MARK2: variants seen among roughly 807,000 people sequenced by gnomAD.
MARK2 encodes the protein microtubule affinity regulating kinase 2.
A neutral mutation model predicts 89.8 loss-of-function variants in MARK2; 16 were observed. That is an observed-to-expected ratio of 0.18 (90% confidence interval 0.12 to 0.27). MARK2 has a LOEUF of 0.27. Among genes scored for constraint, MARK2 ranks in the 10% least tolerant of loss-of-function variants. MARK2 has a pLI of 1.00. For missense variants in MARK2, 621 were observed against 1,049.9 expected, an observed-to-expected ratio of 0.59 and a Z score of 5.65; for synonymous variants, 382 against 399.5, an observed-to-expected ratio of 0.96 and a Z score of 0.52.
intron 1 of MARK2, among the ~76,000 whole-genome samples, chr11:63,889,245 C>G (rs1051201745): frequency 6.6e-6 from 1 of 152,176 alleles, no homozygotes; most frequent in Admixed American, 6.5e-5. Context: ...TGCTCCCGTG[C>G]TACAGTGAGG....
intron 1 of MARK2, among the ~76,000 whole-genome samples, chr11:63,861,286 C>T (rs974731285): frequency 3.5e-4 from 53 of 152,010 alleles, no homozygotes; most frequent in African/African-American, 1.2e-3. Flanking sequence ...ATACAAAAAA[C>T]GTAGCCAGGC....
rs370233889 is a variant in MARK2 at position 63,902,798 on chromosome 11, C to T, written c.1416+16C>T. ...CCCCTCCACGGTGAGCCGCACCCCC[C>T]GCTCTCTCCTTCCTTCCTGCGGTGG... On this transcript the variant is annotated intron_variant, in intron 13 of 18. Coordinates refer to ENST00000402010, the MANE Select transcript of MARK2 (RefSeq NM_001039469.3). This position sits in a 1 kb window ranked among gnomAD's most constrained non-coding sequence, Gnocchi z 4.2. 77 of 1,598,736 alleles carry T rather than the reference C, an allele frequency of 4.8e-5. No homozygotes were observed. The highest frequency in any genetic ancestry group is 2.0e-4 in the South Asian group (18 of 90,658).
intron 4 of MARK2, 142 bp from the exon 5 acceptor site, chr11:63,898,466 G>A (rs987845052): frequency 1.6e-5 from 14 of 887,316 alleles, no homozygotes; most frequent in Non-Finnish European, 2.6e-5. Flanking sequence ...AGTTTGGCTG[G>A]CATGAGAGGA....
Position 63,904,018 on chromosome 11 carries a change from C to T in MARK2, c.1547C>T (p.Ala516Val), listed in dbSNP as rs370703635. Reference sequence around the variant, plus strand: ...ATGCCAGGGTCCCGGGCCTCCACGGCTTCTGCTTCTGCCGCAGTCTCTGCG... The same window carrying T: ...ATGCCAGGGTCCCGGGCCTCCACGGTTTCTGCTTCTGCCGCAGTCTCTGCG... The part of the protein sequence containing the change: ...LTMPGSRAST[A>V]SASAAVSAAR... The change falls in exon 15 of 19, where the codon GCT becomes GTT. Residue 516 changes from alanine to valine, a missense_variant. Ala to Val is a moderately conservative substitution (Grantham distance 64). This residue lies in a region of MARK2 where 397 missense variants were observed against 567.8 expected (regional missense o/e 0.70). Coordinates refer to ENST00000402010, the MANE Select transcript of MARK2 (RefSeq NM_001039469.3). The surrounding 1 kb of genome is among the most constrained non-coding windows in gnomAD (Gnocchi z 6.3). 4 of 1,608,958 alleles carry T rather than the reference C, an allele frequency of 2.5e-6. No homozygotes were observed. Among genetic ancestry groups the T allele is most frequent in the Non-Finnish European group, 2.5e-6 (3 of 1,179,198 alleles).
intron 1 of MARK2, among the ~76,000 whole-genome samples, chr11:63,854,287 C>T: frequency 6.6e-6 from 1 of 151,116 alleles, no homozygotes; most frequent in Non-Finnish European, 1.5e-5. Flanking sequence ...GCAACCTCTG[C>T]CTCCCGGGTT....
intron 1 of MARK2, among the ~76,000 whole-genome samples, chr11:63,850,263 C>T (rs1313824013): frequency 6.6e-6 from 1 of 151,832 alleles, no homozygotes; most frequent in Non-Finnish European, 1.5e-5. Context: ...ATTCTCCTGC[C>T]TCAGCCTCCC....
intron 17 of MARK2, among the ~76,000 whole-genome samples, 199 bp from the exon 18 acceptor site, chr11:63,908,061 C>T (rs1016396576): frequency 6.6e-6 from 1 of 152,236 alleles, no homozygotes; most frequent in Non-Finnish European, 1.5e-5. Context: ...GGGCTCCCTG[C>T]TGGAAAGGAA....
At position 63,888,307 on chromosome 11, in the gene MARK2, C is replaced by A. The variant is rs141124532; in HGVS notation, c.55-6852C>A. ...TCTGGGTCAGCACATCTGAGTCACA[C>A]ATGTTCCTCCCCAGCCCTATTGGAG... On this transcript the variant is annotated intron_variant, in intron 1 of 18. Coordinates refer to ENST00000402010, the MANE Select transcript of MARK2 (RefSeq NM_001039469.3). 2.5e-4 allele frequency among the ~76,000 whole-genome samples: 38 copies of A among 152,292 alleles called. No individual in the cohort carries two copies. In the East Asian group the frequency reaches 5.4e-3, roughly 22 times the overall value.
At position 63,906,131 on chromosome 11, in the gene MARK2, C is replaced by CTGTG. The variant is rs535377951; in HGVS notation, c.1961+39_1961+42dup. 0.01 allele frequency: 12,243 copies of CTGTG among 1,179,758 alleles called. 35 individuals carry two copies. The highest frequency in any genetic ancestry group is 0.046 in the East Asian group (1,409 of 30,710). The allele number at this position is 1,179,758 out of a possible 1,614,324, so 73.1% of individuals were successfully genotyped here. ...TGCCAGAAGGTAGGCGTTGAGCCCG[C>CTGTG]TGTGTGTGTGTGTGTGTGTGTGTGT... On this transcript the variant is annotated intron_variant, in intron 17 of 18. Transcript: ENST00000402010.
In MARK2 at chr11:63,852,625, G is replaced by T. The variant is rs578053881; in HGVS notation, c.54+13065G>T. 1.3e-3 allele frequency among the ~76,000 whole-genome samples: 186 copies of T among 147,744 alleles called. 1 individual carries two copies. Among genetic ancestry groups the T allele is most frequent in the African/African-American group, 4.5e-3 (180 of 39,956 alleles). Reference sequence around the variant, plus strand: ...AATACTGAAGTGGACATACCAACAAGTATAAAGGAGGACTTTAAAGAATCT... The same window carrying T: ...AATACTGAAGTGGACATACCAACAATTATAAAGGAGGACTTTAAAGAATCT... On this transcript the variant is annotated intron_variant, in intron 1 of 18. Coordinates refer to ENST00000402010, the MANE Select transcript of MARK2 (RefSeq NM_001039469.3).
chr11:63,908,242 C>G lies in MARK2; in HGVS notation c.1962-18C>G, dbSNP rs1239605826. On this transcript the variant is annotated intron_variant, in intron 17 of 18. Coordinates refer to ENST00000402010, the MANE Select transcript of MARK2 (RefSeq NM_001039469.3). The stretch of plus-strand genomic sequence containing the variant: ...GAGAGATCCCAGCACTAAACTCTCC[C>G]TCGCTCTGTTTTTTGAGGAACCTGA... 1 of 1,555,360 alleles carries G rather than the reference C, an allele frequency of 6.4e-7. No homozygotes were observed.
At position 63,904,170 on chromosome 11, in the gene MARK2, T is replaced by G. The variant is rs773939138; in HGVS notation, c.1676+23T>G. 3 of 1,537,926 alleles carry G rather than the reference T, an allele frequency of 2.0e-6. No homozygotes were observed. Among genetic ancestry groups the G allele is most frequent in the South Asian group, 1.2e-5 (1 of 84,822 alleles). On this transcript the variant is annotated intron_variant, in intron 15 of 18. Coordinates refer to ENST00000402010, the MANE Select transcript of MARK2 (RefSeq NM_001039469.3). The surrounding 1 kb of genome is among the most constrained non-coding windows in gnomAD (Gnocchi z 6.3). Reference sequence around the variant, plus strand: ...CAGGCAAGTGTGCTGGGGCAGCTGGTGCACCTGCTGCCCTCAGCCCACCCT... The same window carrying G: ...CAGGCAAGTGTGCTGGGGCAGCTGGGGCACCTGCTGCCCTCAGCCCACCCT...
chr11:63,870,230 T>C (rs543847300), intron 1 of MARK2, among the ~76,000 whole-genome samples: 1 of 152,170 alleles, frequency 6.6e-6, no homozygotes, highest in African/African-American at 2.4e-5. Context: ...TAGGGAATGA[T>C]GATTTATTTT....
chr11:63,884,306 G>T (rs182161977), intron 1 of MARK2, among the ~76,000 whole-genome samples: 93 of 152,366 alleles, frequency 6.1e-4, no homozygotes, highest in African/African-American at 2.2e-3. Flanking sequence ...AGACAGAGGA[G>T]ATTTGGAGAG....
intron 2 of MARK2, 27 bp downstream of exon 2, chr11:63,895,365 A>T (rs552445338): frequency 6.2e-7 from 1 of 1,604,432 alleles, no homozygotes; most frequent in Admixed American, 1.7e-5. Flanking sequence ...GGGACATGGC[A>T]GCACCTCCCA....
At chr11:63,858,933 G>A (rs991057240) in intron 1 of MARK2, among the ~76,000 whole-genome samples, 2 of 152,214 alleles carry the variant, frequency 1.3e-5, no homozygotes, top group Non-Finnish European at 2.9e-5. Context: ...TCAGTGACCT[G>A]ATGGACCTTG....
intron 1 of MARK2, among the ~76,000 whole-genome samples, chr11:63,857,834 CA>C (rs2016944463): frequency 6.6e-6 from 1 of 151,938 alleles, no homozygotes; most frequent in African/African-American, 2.4e-5. Context: ...TTGGTTGATA[CA>C]TTTTTTTTTT....
intron 1 of MARK2, among the ~76,000 whole-genome samples, chr11:63,854,106 C>G (rs1301832862): frequency 6.6e-6 from 1 of 151,776 alleles, no homozygotes; most frequent in Non-Finnish European, 1.5e-5. Context: ...TTCCTGACCT[C>G]AGGTGATCCA....
chr11:63,850,317 T>TA (rs2016509270), intron 1 of MARK2, among the ~76,000 whole-genome samples: 1 of 26,840 alleles, frequency 3.7e-5, no homozygotes, highest in Non-Finnish European at 8.8e-5. Flanking sequence ...CCTGGCTAAT[T>TA]TTTTTTTTTT....
Sources: gnomAD v4.1 joint callset for allele counts (sites outside exome capture counted in the v4.1 genomes callset) on GRCh38, gnomAD v4.1.1 for gene constraint, gnomAD v4.1.1 regional missense constraint, Gnocchi (gnomAD v3.1) non-coding constraint, MANE v1.5 for transcripts, NCBI Gene and HGNC (gene_info 2026-07-23, HGNC 2026-07-21) for gene names.